Variants in EYA4 observed in about 807,000 individuals in gnomAD.
EYA4 encodes the protein protein phosphatase EYA4.
In EYA4, 31 loss-of-function variants were observed where a neutral mutation model predicts 87.9. That is an observed-to-expected ratio of 0.35 (90% CI 0.27 to 0.48). EYA4 has a LOEUF of 0.48. Ranked by LOEUF, EYA4 falls within the 20% of genes least tolerant of loss-of-function variation. EYA4 has a pLI of 0.99. For missense variants in EYA4, 678 were observed against 761.4 expected (o/e 0.89, Z 1.29); for synonymous variants, 263 against 270.6 (o/e 0.97, Z 0.28).
At chr6:133,262,196 A>G (rs1775851589) in intron 1 of EYA4, among the ~76,000 whole-genome samples, 1 of 152,236 alleles carries the variant, frequency 6.6e-6, no homozygotes. Flanking sequence ...ATATATAGTC[A>G]TATACTCTTG....
At chr6:133,409,714 A>G (rs1789039789) in intron 3 of EYA4, among the ~76,000 whole-genome samples, 1 of 152,152 alleles carries the variant, frequency 6.6e-6, no homozygotes, top group African/African-American at 2.4e-5. Flanking sequence ...TGTGGATCAA[A>G]GTTTACAAAG....
rs951379319 is a variant in EYA4, at chr6:133,462,676, G to A, written c.636G>A (p.Gln212=). The A allele has an allele frequency of 6.2e-7, 1 of 1,613,852 alleles. No individual in the cohort carries two copies. The highest frequency in any genetic ancestry group is 1.7e-5 in the Admixed American group (1 of 59,952). The change falls in exon 9 of 20, where the codon CAG becomes CAA. Residue 212 remains glutamine, a synonymous_variant. Coordinates refer to ENST00000355286, the MANE Select transcript of EYA4 (RefSeq NM_004100.5). ...CAGAGAGTGGACTTTCCCAAACTCA[G>A]TCCCCATTACAGAGTGGCTGCCTCA... The part of the protein sequence containing the change: ...IKTESGLSQT[Q]SPLQSGCLSY...
intron 2 of EYA4, among the ~76,000 whole-genome samples, chr6:133,306,284 A>G (rs1476360535): frequency 6.6e-6 from 1 of 152,184 alleles, no homozygotes; most frequent in Non-Finnish European, 1.5e-5. Flanking sequence ...GTTCTTGCTG[A>G]GTAGATCACC....
intron 11 of EYA4, among the ~76,000 whole-genome samples, chr6:133,474,442 C>T (rs753347743): frequency 2.0e-5 from 3 of 152,184 alleles, no homozygotes; most frequent in East Asian, 1.9e-4. Flanking sequence ...GTGACACATT[C>T]ACATATGGAA....
At chr6:133,444,861 C>T (rs1232894373) in intron 3 of EYA4, among the ~76,000 whole-genome samples, 3 of 152,120 alleles carry the variant, frequency 2.0e-5, no homozygotes, top group Non-Finnish European at 4.4e-5. Context: ...TCATAGATCC[C>T]CCGTAATTAG....
At chr6:133,456,494 C>T (rs1417844724) in intron 5 of EYA4, 62 bp from the exon 6 acceptor site, 18 of 1,135,020 alleles carry the variant, frequency 1.6e-5, no homozygotes, top group Admixed American at 3.4e-5. Context: ...ACTAGTAGAA[C>T]GGACAGAGTC....
chr6:133,390,349 A>G (rs1005022555), intron 3 of EYA4, among the ~76,000 whole-genome samples: 2 of 151,906 alleles, frequency 1.3e-5, no homozygotes, highest in Non-Finnish European at 2.9e-5. Flanking sequence ...CCTCTTGAGT[A>G]GCTGGGACTA....
chr6:133,357,463 G>C (rs9483579), intron 2 of EYA4, among the ~76,000 whole-genome samples: 56 of 152,120 alleles, frequency 3.7e-4, no homozygotes, highest in African/African-American at 1.3e-3. Flanking sequence ...GAATTGTTTT[G>C]ATCTAATTAA....
intron 2 of EYA4, among the ~76,000 whole-genome samples, chr6:133,300,677 G>C (rs1489292510): frequency 6.6e-6 from 1 of 152,056 alleles, no homozygotes; most frequent in East Asian, 1.9e-4. Context: ...ACCATGCCTG[G>C]CTAATTTTTC....
intron 3 of EYA4, among the ~76,000 whole-genome samples, chr6:133,427,571 G>A (rs1562407682): frequency 6.6e-6 from 1 of 152,054 alleles, no homozygotes; most frequent in African/African-American, 2.4e-5. Context: ...TTGTTAAAAG[G>A]AAAAAATTAA....
intron 2 of EYA4, among the ~76,000 whole-genome samples, chr6:133,275,356 G>A (rs1378266994): frequency 1.3e-5 from 2 of 152,142 alleles, no homozygotes; most frequent in Non-Finnish European, 2.9e-5. Context: ...TAGCTTGTTA[G>A]TGGTGTCTCT....
chr6:133,317,899 G>A (rs1292307261), intron 2 of EYA4, among the ~76,000 whole-genome samples: 1 of 149,874 alleles, frequency 6.7e-6, no homozygotes, highest in African/African-American at 2.5e-5. Context: ...CCATCCCCCG[G>A]TGCCCCATCC....
intron 2 of EYA4, among the ~76,000 whole-genome samples, chr6:133,314,357 A>G (rs980079535): frequency 6.6e-6 from 1 of 152,192 alleles, no homozygotes; most frequent in Non-Finnish European, 1.5e-5. Context: ...TAGAAAGACC[A>G]TTTAAATATG....
chr6:133,361,226 C>T (rs1388771455), intron 2 of EYA4, among the ~76,000 whole-genome samples: 2 of 152,164 alleles, frequency 1.3e-5, no homozygotes, highest in Non-Finnish European at 2.9e-5. Flanking sequence ...TAGTACCTCC[C>T]TCCATAGCAA....
intron 2 of EYA4, among the ~76,000 whole-genome samples, chr6:133,299,783 GCTAATGTGATTATCCTTCACAAT>G (rs1411349296): frequency 4.0e-5 from 6 of 149,516 alleles, no homozygotes; most frequent in Non-Finnish European, 7.4e-5. Flanking sequence ...TTAAAATCAA[GCTAATGTGATTATCCTTCACAAT>G]AGCACTGCGA....
At chr6:133,515,249 A>C in intron 16 of EYA4, 72 bp from the exon 17 acceptor site, 1 of 803,842 alleles carries the variant, frequency 1.2e-6, no homozygotes, top group Admixed American at 1.7e-5. Flanking sequence ...TTCCAGACAG[A>C]AGGGAATCTA....
intron 2 of EYA4, among the ~76,000 whole-genome samples, chr6:133,313,158 A>G (rs1029607973): frequency 1.3e-5 from 2 of 152,184 alleles, no homozygotes; most frequent in African/African-American, 4.8e-5. Context: ...TGGGAGTGCC[A>G]GGGTGTGGGA....
In EYA4 at chr6:133,446,747, G is replaced by A. The variant is rs183101904; in HGVS notation, c.201G>A (p.Gly67=). The change falls in exon 4 of 20, where the codon GGG becomes GGA. Residue 67 remains glycine (G), a synonymous_variant. Coordinates refer to ENST00000355286, the MANE Select transcript of EYA4 (RefSeq NM_004100.5). ...NLSSTSVTTN[G]TGGENMTVLN... is the part of the protein sequence containing the mutation. ...GCAGCACATCAGTTACTACAAATGG[G>A]ACAGGAGGTAAGTGTACTACCCTGA... 1.1e-5 allele frequency: 17 copies of A among 1,613,894 alleles called. No homozygotes were observed. Among genetic ancestry groups the A allele is most frequent in the East Asian group, 2.2e-5 (1 of 44,846 alleles).
At chr6:133,267,174 T>C (rs955177582) in intron 1 of EYA4, among the ~76,000 whole-genome samples, 1 of 152,188 alleles carries the variant, frequency 6.6e-6, no homozygotes, top group African/African-American at 2.4e-5. Context: ...CTGTATTATA[T>C]TGGAGAAAAT....
Sources: gnomAD v4.1 joint callset for allele counts (sites outside exome capture counted in the v4.1 genomes callset) on GRCh38, gnomAD v4.1.1 for gene constraint, MANE v1.5 for transcripts, NCBI Gene and HGNC (gene_info 2026-07-23, HGNC 2026-07-21) for gene names.